Variants in HRAS observed in about 807,000 individuals in gnomAD.
HRAS encodes GTPase HRas.
In HRAS, 11 loss-of-function variants were observed where a neutral mutation model predicts 19.8. That is an observed-to-expected ratio of 0.55 (90% CI 0.35 to 0.92). HRAS has a LOEUF of 0.92. Among genes scored for constraint, HRAS ranks in the 40% least tolerant of loss-of-function variants. HRAS has a pLI of 0.01. For missense variants in HRAS, 204 were observed against 255.9 expected, an observed-to-expected ratio of 0.80 and a Z score of 1.38; for synonymous variants, 149 against 105.5, an observed-to-expected ratio of 1.41 and a Z score of -2.52.
At chr11:533,229 A>G (rs1851215218) in intron 4 of HRAS, 4 of 1,472,346 alleles carry the variant, frequency 2.7e-6, no homozygotes, top group Admixed American at 2.0e-5. Flanking sequence ...GTGAGCCCAG[A>G]CCCCGGCCCT....
chr11:534,666 G>A (rs1393739196), intron 1 of HRAS: 4 of 403,074 alleles, frequency 9.9e-6, no homozygotes, highest in East Asian at 9.1e-5. Flanking sequence ...AGAAGCTGCT[G>A]GGTCGGCAGA....
chr11:533,957 A>T lies in HRAS; in HGVS notation c.112-13T>A, dbSNP rs766582484. On this transcript the variant is annotated splice_polypyrimidine_tract_variant and intron_variant, in intron 2 of 5. Coordinates refer to ENST00000311189, the MANE Select transcript of HRAS (RefSeq NM_005343.4). ...TCCGGTAGGAATCCTGCAGGAGGACAGGGCTCAGGGACCCCCTCAGGACCT... is the reference window on the plus strand; with the variant it reads ...TCCGGTAGGAATCCTGCAGGAGGACTGGGCTCAGGGACCCCCTCAGGACCT... 41 of 1,608,298 alleles carry T rather than the reference A, an allele frequency of 2.5e-5. No individual in the cohort carries two copies. Among genetic ancestry groups the T allele is most frequent in the Non-Finnish European group, 3.4e-5 (40 of 1,179,874 alleles).
Position 533,876 on chromosome 11 carries a change from G to A in HRAS, c.180C>T (p.Gly60=), listed in dbSNP as rs1589792785. The part of the protein sequence containing the change: ...TCLLDILDTA[G]QEEYSAMRDQ... ...CCCGCATGGCGCTGTACTCCTCCTG[G>A]CCGGCGGTATCCAGGATGTCCAACA... Residue 60 remains glycine, a synonymous_variant, in exon 3 of 6, where the codon GGC becomes GGT. Coordinates refer to ENST00000311189, the MANE Select transcript of HRAS (RefSeq NM_005343.4). The A allele has an allele frequency of 6.2e-7, 1 of 1,613,202 alleles. No individual in the cohort carries two copies. The highest frequency in any genetic ancestry group is 1.3e-5 in the African/African-American group (1 of 74,920).
chr11:534,648 C>A, intron 1 of HRAS: 1 of 447,484 alleles, frequency 2.2e-6, no homozygotes, highest in Non-Finnish European at 4.1e-6. Context: ...CAACCACGCA[C>A]CCAAATTAGA....
Position 533,920 on chromosome 11 carries a change from T to C in HRAS, c.136A>G (p.Ile46Val), listed in dbSNP as rs2133991578. The C allele has an allele frequency of 6.2e-7, 1 of 1,612,706 alleles. No individual in the cohort carries two copies. ...TCCAACAGGCACGTCTCCCCATCAA[T>C]GACCACCTGCTTCCGGTAGGAATCC... ...IEDSYRKQVV[I>V]DGETCLLDIL... The change falls in exon 3 of 6, where the codon ATT becomes GTT. Residue 46 changes from isoleucine to valine, a missense_variant. Ile to Val is a conservative substitution (Grantham distance 29, BLOSUM62 3). Transcript: ENST00000311189.
rs778954173 is a variant in HRAS at position 534,340 on chromosome 11, C to T, written c.-18G>A. On this transcript the variant is annotated 5_prime_UTR_variant, in exon 2 of 6. Transcript: ENST00000311189. ...TCCGTCATCGCTCCTCAGGGGCCTGCGGCCCGGGGTCCTCCTACAGGGTCT... is the reference window on the plus strand; with the variant it reads ...TCCGTCATCGCTCCTCAGGGGCCTGTGGCCCGGGGTCCTCCTACAGGGTCT... 5 of 1,593,976 alleles carry T rather than the reference C, an allele frequency of 3.1e-6. No homozygotes were observed. Among genetic ancestry groups the T allele is most frequent in the Admixed American group, 3.3e-5 (2 of 59,802 alleles).
chr11:533,243 C>T, intron 4 of HRAS: 1 of 1,534,352 alleles, frequency 6.5e-7, no homozygotes, highest in Non-Finnish European at 8.8e-7. Context: ...CGGCCCTCGC[C>T]TCCCTCACTG....
At chr11:532,833 C>G in intron 4 of HRAS, 78 bp from the exon 5 acceptor site, 1 of 1,457,000 alleles carries the variant, frequency 6.9e-7, no homozygotes, top group African/African-American at 1.4e-5. Context: ...GCTGTGGGAT[C>G]AAGCCTTGCC....
At position 535,278 on chromosome 11, in the gene HRAS, G is replaced by A. The variant is rs867624650; in HGVS notation, c.-54+138C>T. ...TCACCTGTGCCCGCGGGCCCCGCCC[G>A]GCCCCACCCACCCGCCGCCGCCGCC... On this transcript the variant is annotated intron_variant, in intron 1 of 5. Transcript: ENST00000311189. The A allele has an allele frequency of 1.5e-3, 170 of 111,104 alleles. 1 individual carries two copies. Among genetic ancestry groups the A allele is most frequent in the African/African-American group, 5.8e-3 (165 of 28,668 alleles). The allele number at this position is 111,104 out of a possible 1,614,324, so 6.9% of individuals were successfully genotyped here.
Position 532,430 on chromosome 11 carries a change from C to CCCTT in HRAS, c.*94_*97dup, listed in dbSNP as rs1392114549. On this transcript the variant is annotated 3_prime_UTR_variant, in exon 6 of 6. Transcript: ENST00000311189. ...TCCCGGGGTGACTGGGCTCCAGCAGCCCTTCCTTCCTTCCTTGCTTCCGTC... is the reference window on the plus strand; with the variant it reads ...TCCCGGGGTGACTGGGCTCCAGCAGCCCTTCCTTCCTTCCTTCCTTGCTTCCGTC... 1.3e-5 allele frequency: 9 copies of CCCTT among 713,766 alleles called. No individual in the cohort carries two copies. Among genetic ancestry groups the CCCTT allele is most frequent in the Non-Finnish European group, 1.9e-5 (8 of 431,920 alleles). 44.2% of individuals were successfully genotyped at this position (713,766 alleles called of 1,614,324 possible). A position where few individuals can be genotyped will look rare whatever the true frequency, so the allele number is the denominator to read the frequency against.
At chr11:534,824 C>A (rs1389785454) in intron 1 of HRAS, among the ~76,000 whole-genome samples, 2 of 152,206 alleles carry the variant, frequency 1.3e-5, no homozygotes, top group Non-Finnish European at 2.9e-5. Flanking sequence ...ATTTGCTGAG[C>A]GCCTACTGCG....
intron 3 of HRAS, 69 bp downstream of exon 3, chr11:533,697 T>TGCCTGGACGCAGCCG (rs1214086587): frequency 3.1e-6 from 5 of 1,611,208 alleles, no homozygotes; most frequent in Non-Finnish European, 3.4e-6. Flanking sequence ...AGGAGGCCCC[T>TGCCTGGACGCAGCCG]GCCTGGACGC....
At chr11:534,810 A>G (rs1405257599) in intron 1 of HRAS, among the ~76,000 whole-genome samples, 1 of 152,070 alleles carries the variant, frequency 6.6e-6, no homozygotes, top group Non-Finnish European at 1.5e-5. Context: ...TGCCTCCGAC[A>G]AGTATTTGCT....
In HRAS at chr11:532,774, G is replaced by T; in HGVS notation, c.451-19C>A. ...CCACTCCCTGGGAAAGGAGGGATGG[G>T]ATCAGGAGGGACCGGCCTGTGGCCG... On this transcript the variant is annotated intron_variant, in intron 4 of 5. Coordinates refer to ENST00000311189, the MANE Select transcript of HRAS (RefSeq NM_005343.4). 6.2e-7 allele frequency: 1 copy of T among 1,611,044 alleles called. No individual in the cohort carries two copies. The highest frequency in any genetic ancestry group is 8.5e-7 in the Non-Finnish European group (1 of 1,179,668).
intron 1 of HRAS, 41 bp from the exon 2 acceptor site, chr11:534,416 C>G: frequency 1.3e-6 from 1 of 757,326 alleles, no homozygotes; most frequent in Non-Finnish European, 2.0e-6. Context: ...CAGGCCCAGC[C>G]CCAGGCCCCA....
At chr11:534,660 G>A (rs1227703450) in intron 1 of HRAS, 1 of 413,612 alleles carries the variant, frequency 2.4e-6, no homozygotes, top group Admixed American at 3.9e-5. Context: ...CAAATTAGAA[G>A]CTGCTGGGTC....
Position 532,299 on chromosome 11 carries a change from G to A in HRAS, c.*229C>T, listed in dbSNP as rs914597463. 2.1e-5 allele frequency: 10 copies of A among 485,608 alleles called. No individual in the cohort carries two copies. Among genetic ancestry groups the A allele is most frequent in the African/African-American group, 1.3e-4 (7 of 52,140 alleles). 30.1% of individuals were successfully genotyped at this position (485,608 alleles called of 1,614,324 possible). ...TCTGTGCCCGACAAGGGCCCACAGA[G>A]GCCTGGGAGGGGAGCTAAGGGCTGG... On this transcript the variant is annotated 3_prime_UTR_variant, in exon 6 of 6. Coordinates refer to ENST00000311189, the MANE Select transcript of HRAS (RefSeq NM_005343.4).
At chr11:535,158 G>A (rs1282639756) in intron 1 of HRAS, 1 of 152,086 alleles carries the variant, frequency 6.6e-6, no homozygotes, top group African/African-American at 2.4e-5. Flanking sequence ...GCCGGCGTGG[G>A]GACCGTGCCC....
In HRAS at chr11:533,501, G is replaced by C. The variant is rs773270401; in HGVS notation, c.402C>G (p.Ala134=). Residue 134 remains alanine, a synonymous_variant, in exon 4 of 6, where the codon GCC becomes GCG. Transcript: ENST00000311189. ...TVESRQAQDL[A]RSYGIPYIET... is the part of the protein sequence containing the mutation. ...CGATGTAGGGGATGCCGTAGCTTCG[G>C]GCGAGGTCCTGAGCCTGCCGAGATT... 1.2e-6 allele frequency: 2 copies of C among 1,613,646 alleles called. No homozygotes were observed. Among genetic ancestry groups the C allele is most frequent in the South Asian group, 2.2e-5 (2 of 91,092 alleles).
Sources: gnomAD v4.1 joint callset for allele counts (sites outside exome capture counted in the v4.1 genomes callset) on GRCh38, gnomAD v4.1.1 for gene constraint, MANE v1.5 for transcripts, NCBI Gene and HGNC (gene_info 2026-07-23, HGNC 2026-07-21) for gene names.